The following GRID2 variants were observed in gnomAD, a reference collection of about 807,000 sequenced individuals.
GRID2 encodes glutamate receptor ionotropic, delta-2.
A neutral mutation model predicts 114.8 loss-of-function variants in GRID2; 33 were observed. The observed-to-expected ratio is 0.29, with a 90% CI of 0.22 to 0.38. The LOEUF (loss-of-function observed/expected upper bound fraction) is 0.38, where lower values mean the gene tolerates loss of function less well. GRID2 is among the 10% of genes least tolerant of loss of function. The probability of loss-of-function intolerance (pLI) is 1.00; values close to 1 mark genes in which losing one functional copy is unlikely to be tolerated. For missense variants in GRID2, 1,184 were observed against 1,257.7 expected, an observed-to-expected ratio of 0.94 and a Z score of 0.89; for synonymous variants, 505 against 449.9, an observed-to-expected ratio of 1.12 and a Z score of -1.55.
At chr4:92,951,353 A>G (rs1752024001) in intron 2 of GRID2, among the ~76,000 whole-genome samples, 1 of 151,412 alleles carries the variant, frequency 6.6e-6, no homozygotes, top group Non-Finnish European at 1.5e-5. Flanking sequence ...TTATTTATTT[A>G]TTTATTTATT....
chr4:93,573,414 A>T (rs1736118095), intron 13 of GRID2, among the ~76,000 whole-genome samples: 1 of 152,188 alleles, frequency 6.6e-6, no homozygotes, highest in African/African-American at 2.4e-5. Context: ...AGAAGACTGA[A>T]ATTGGTCTAA....
At chr4:92,872,422 C>T (rs995665494) in intron 2 of GRID2, among the ~76,000 whole-genome samples, 1 of 151,730 alleles carries the variant, frequency 6.6e-6, no homozygotes, top group Non-Finnish European at 1.5e-5. Context: ...GAAGAAAAAT[C>T]CTTAATTATA....
At chr4:92,533,544 C>A (rs532707271) in intron 1 of GRID2, among the ~76,000 whole-genome samples, 3 of 152,190 alleles carry the variant, frequency 2.0e-5, no homozygotes, top group African/African-American at 7.2e-5. Flanking sequence ...CTGAAGATTT[C>A]TTTTCCTACT....
intron 1 of GRID2, among the ~76,000 whole-genome samples, chr4:92,315,329 A>ATATT (rs1397382773): frequency 6.6e-6 from 1 of 152,300 alleles, no homozygotes; most frequent in East Asian, 1.9e-4. Context: ...TAAATATGGA[A>ATATT]TATTTGAACA....
At chr4:93,055,728 C>A (rs1727165699) in intron 2 of GRID2, among the ~76,000 whole-genome samples, 1 of 151,754 alleles carries the variant, frequency 6.6e-6, no homozygotes, top group African/African-American at 2.4e-5. Flanking sequence ...TTATATTTGT[C>A]TCTGGAAGTA....
chr4:92,803,756 T>G (rs1379437069), intron 2 of GRID2, among the ~76,000 whole-genome samples: 2 of 152,064 alleles, frequency 1.3e-5, no homozygotes, highest in Non-Finnish European at 2.9e-5. Flanking sequence ...CTAAAAGGTA[T>G]ACAGCCATAC....
intron 1 of GRID2, among the ~76,000 whole-genome samples, chr4:93,789,609 T>C (rs1213014444): frequency 6.6e-5 from 10 of 152,206 alleles, no homozygotes; most frequent in African/African-American, 2.4e-4. Flanking sequence ...TTGACCCAAC[T>C]TACAGTAAAA....
chr4:93,085,621 G>A (rs1730269218), intron 3 of GRID2, among the ~76,000 whole-genome samples: 1 of 152,048 alleles, frequency 6.6e-6, no homozygotes, highest in African/African-American at 2.4e-5. Context: ...TCAAAAAAAT[G>A]TATACCTCTC....
At chr4:93,522,832 G>A (rs1269420535) in intron 13 of GRID2, among the ~76,000 whole-genome samples, 2 of 152,122 alleles carry the variant, frequency 1.3e-5, no homozygotes, top group Non-Finnish European at 2.9e-5. Flanking sequence ...GGTAGCTCAG[G>A]TAGTAGAAAA....
intron 1 of GRID2, among the ~76,000 whole-genome samples, chr4:92,579,187 G>T (rs547971317): frequency 6.6e-6 from 1 of 152,072 alleles, no homozygotes; most frequent in East Asian, 1.9e-4. Flanking sequence ...CTTGAGCTCT[G>T]TGGTAAATTA....
chr4:93,263,498 A>G (rs1750480624), intron 8 of GRID2, among the ~76,000 whole-genome samples: 2 of 152,142 alleles, frequency 1.3e-5, no homozygotes, highest in South Asian at 2.1e-4. Flanking sequence ...ATAATTTTCT[A>G]TATATGGAAA....
intron 1 of GRID2, among the ~76,000 whole-genome samples, chr4:92,475,833 A>G (rs928724557): frequency 2.6e-5 from 4 of 151,862 alleles, no homozygotes; most frequent in African/African-American, 9.7e-5. Flanking sequence ...TGTAGCTTCA[A>G]CTTCTTTTGT....
At chr4:93,061,019 C>A (rs1001998386) in intron 2 of GRID2, among the ~76,000 whole-genome samples, 1 of 151,992 alleles carries the variant, frequency 6.6e-6, no homozygotes, top group Admixed American at 6.6e-5. Context: ...AGGAGAATTG[C>A]TTGACCCTGA....
At chr4:93,593,398 C>G (rs1738632572) in intron 13 of GRID2, among the ~76,000 whole-genome samples, 1 of 133,566 alleles carries the variant, frequency 7.5e-6, no homozygotes, top group South Asian at 2.8e-4. Flanking sequence ...TCTCTTCTGG[C>G]TTGTAGGGTT....
At chr4:92,821,635 C>T (rs78710153) in intron 2 of GRID2, among the ~76,000 whole-genome samples, 6,128 of 152,142 alleles carry the variant, frequency 0.04, 182 homozygotes, top group East Asian at 0.12. Flanking sequence ...CCAGATCATT[C>T]TACTGTGATC....
chr4:92,541,941 A>G, intron 1 of GRID2, among the ~76,000 whole-genome samples: 1 of 152,132 alleles, frequency 6.6e-6, no homozygotes, highest in Non-Finnish European at 1.5e-5. Flanking sequence ...ATTTTTCCTC[A>G]AAATTATGAT....
chr4:92,868,915 A>G lies in GRID2; in HGVS notation c.245-216080A>G, dbSNP rs1745086034. On this transcript the variant is annotated intron_variant, in intron 2 of 15. Coordinates refer to ENST00000282020, the MANE Select transcript of GRID2 (RefSeq NM_001510.4). The stretch of plus-strand genomic sequence containing the variant: ...TGAAAAAAATCTACTTTTTTCAAAC[A>G]TGGAAATGTAAATAAGGGATTTCAA... Among the ~76,000 whole-genome samples the G allele has an allele frequency of 2.6e-5, 4 of 152,274 alleles. No homozygotes were observed. In the South Asian group the frequency reaches 8.3e-4, roughly 32 times the overall value.
chr4:92,886,949 G>C (rs2149464398), intron 2 of GRID2, among the ~76,000 whole-genome samples: 1 of 151,466 alleles, frequency 6.6e-6, no homozygotes, highest in Admixed American at 6.6e-5. Context: ...ATTTTTTGGG[G>C]GAAAAAAAAA....
At chr4:92,796,308 A>G (rs891108941) in intron 2 of GRID2, among the ~76,000 whole-genome samples, 2 of 151,956 alleles carry the variant, frequency 1.3e-5, no homozygotes, top group African/African-American at 4.8e-5. Context: ...ATTGTCCAAT[A>G]TCAAAAGAAC....
Sources: gnomAD v4.1 joint callset for allele counts (sites outside exome capture counted in the v4.1 genomes callset) on GRCh38, gnomAD v4.1.1 for gene constraint, MANE v1.5 for transcripts, NCBI Gene and HGNC (gene_info 2026-07-23, HGNC 2026-07-21) for gene names.